DIP2B: variants seen among roughly 807,000 people sequenced by gnomAD.
DIP2B encodes DIP2 acetate--CoA ligase B (putative), also known as disco-interacting protein 2 homolog B.
DIP2B carries 76 observed loss-of-function variants against 198.0 expected under a neutral mutation model. The observed-to-expected ratio is 0.38, with a 90% CI of 0.32 to 0.46. The LOEUF is 0.46. Among genes scored for constraint, DIP2B ranks in the 20% least tolerant of loss-of-function variants. The pLI is 0.99. For missense variants in DIP2B, 1,559 were observed against 1,978.4 expected, an observed-to-expected ratio of 0.79 and a Z score of 4.02; for synonymous variants, 701 against 739.1, an observed-to-expected ratio of 0.95 and a Z score of 0.84.
chr12:50,526,626 CTTTT>C (rs11423846), intron 1 of DIP2B, among the ~76,000 whole-genome samples: 32 of 64,190 alleles, frequency 5.0e-4, no homozygotes, highest in African/African-American at 2.2e-3. Context: ...TTTCCTCTGC[CTTTT>C]TTTTTTTTTT....
At chr12:50,643,267 G>C (rs2139490004) in intron 3 of DIP2B, among the ~76,000 whole-genome samples, 1 of 152,178 alleles carries the variant, frequency 6.6e-6, no homozygotes, top group African/African-American at 2.4e-5. Context: ...TTGCACCATT[G>C]CTTTTTGATT....
chr12:50,581,625 T>C (rs1015064374), intron 1 of DIP2B, among the ~76,000 whole-genome samples: 1 of 140,448 alleles, frequency 7.1e-6, no homozygotes, highest in Non-Finnish European at 1.5e-5. Flanking sequence ...GTCTACTTGC[T>C]ACCCACATTC....
chr12:50,585,240 G>A (rs1051070954), intron 1 of DIP2B, among the ~76,000 whole-genome samples: 5 of 152,212 alleles, frequency 3.3e-5, no homozygotes, highest in African/African-American at 1.2e-4. Context: ...TATTGATTGA[G>A]TGCCTATTCT....
intron 1 of DIP2B, among the ~76,000 whole-genome samples, chr12:50,533,979 G>C (rs1958241447): frequency 6.6e-6 from 1 of 152,150 alleles, no homozygotes; most frequent in African/African-American, 2.4e-5. Flanking sequence ...TCAGAGATTT[G>C]AGGTATGATA....
intron 1 of DIP2B, among the ~76,000 whole-genome samples, chr12:50,508,645 A>G (rs572473624): frequency 3.2e-4 from 49 of 152,190 alleles, no homozygotes; most frequent in African/African-American, 1.2e-3. Context: ...TGACATTGGA[A>G]TGATTTAAAT....
At chr12:50,548,784 C>CA (rs1354815778) in intron 1 of DIP2B, among the ~76,000 whole-genome samples, 8 of 152,180 alleles carry the variant, frequency 5.3e-5, no homozygotes, top group Admixed American at 1.3e-4. Flanking sequence ...CTTGGCCTCC[C>CA]AAAGTTCTGG....
intron 1 of DIP2B, among the ~76,000 whole-genome samples, chr12:50,620,580 G>C (rs1267467900): frequency 1.3e-5 from 2 of 152,112 alleles, no homozygotes; most frequent in Non-Finnish European, 2.9e-5. Flanking sequence ...CAGGCACCTG[G>C]ACAAAAGACG....
At chr12:50,549,261 G>C (rs182523735) in intron 1 of DIP2B, among the ~76,000 whole-genome samples, 1 of 151,762 alleles carries the variant, frequency 6.6e-6, no homozygotes. Flanking sequence ...AAGGTCAAGA[G>C]ATCAAGACCA....
chr12:50,555,114 C>T (rs1343641478), intron 1 of DIP2B, among the ~76,000 whole-genome samples: 1 of 152,000 alleles, frequency 6.6e-6, no homozygotes. Flanking sequence ...ATATTCTTGC[C>T]CTCAACTCTT....
At chr12:50,689,896 G>A (rs532804802) in intron 12 of DIP2B, among the ~76,000 whole-genome samples, 8 of 152,050 alleles carry the variant, frequency 5.3e-5, no homozygotes, top group Non-Finnish European at 1.0e-4. Flanking sequence ...AAAACATCAA[G>A]AAAGAGAGTA....
At chr12:50,735,759 C>A (rs887455205) in intron 34 of DIP2B, among the ~76,000 whole-genome samples, 2 of 152,246 alleles carry the variant, frequency 1.3e-5, no homozygotes, top group East Asian at 3.9e-4. Context: ...CCACTATGCC[C>A]GGCCCGGTTC....
At chr12:50,553,691 T>C (rs1958446005) in intron 1 of DIP2B, among the ~76,000 whole-genome samples, 1 of 152,180 alleles carries the variant, frequency 6.6e-6, no homozygotes, top group Non-Finnish European at 1.5e-5. Flanking sequence ...TCTCACTCTG[T>C]CACCCAGGCT....
chr12:50,724,944 C>A, intron 28 of DIP2B, 58 bp downstream of exon 28: 1 of 1,516,524 alleles, frequency 6.6e-7, no homozygotes, highest in Non-Finnish European at 9.1e-7. Context: ...TACCTGAGAT[C>A]TCCTCCATTC....
rs1250389319 is a variant in DIP2B at position 50,580,770 on chromosome 12, T to TA, written c.101-45204dup. ...GGGGGATGAAATTGCTACTGGCATT[T>TA]AATGGGTAGAGGTCAGCAGAATTAC... On this transcript the variant is annotated intron_variant, in intron 1 of 37. Transcript: ENST00000301180. Among the ~76,000 whole-genome samples, 2 of 148,608 alleles carry TA rather than the reference T, an allele frequency of 1.3e-5. 1 individual carries two copies. The highest frequency in any genetic ancestry group is 4.9e-5 in the African/African-American group (2 of 40,592).
At chr12:50,630,971 A>G (rs1353188991) in intron 2 of DIP2B, among the ~76,000 whole-genome samples, 10 of 151,446 alleles carry the variant, frequency 6.6e-5, no homozygotes, top group Admixed American at 5.9e-4. Flanking sequence ...GTGCCTGGCC[A>G]TCCACCACTT....
At chr12:50,717,896 C>CT (rs60627093) in intron 23 of DIP2B, among the ~76,000 whole-genome samples, 50,186 of 87,056 alleles carry the variant, frequency 0.58, 16,957 homozygotes, top group South Asian at 0.64. Context: ...CCATTATTCA[C>CT]TTTTTTTTTT....
At chr12:50,536,566 T>G (rs191058479) in intron 1 of DIP2B, among the ~76,000 whole-genome samples, 1 of 125,284 alleles carries the variant, frequency 8.0e-6, no homozygotes, top group Non-Finnish European at 1.8e-5. Context: ...AAATAATAAT[T>G]GTGTTTTGTT....
At chr12:50,611,924 C>T (rs1486196605) in intron 1 of DIP2B, among the ~76,000 whole-genome samples, 4 of 151,558 alleles carry the variant, frequency 2.6e-5, no homozygotes, top group Non-Finnish European at 4.4e-5. Flanking sequence ...ACAGGCCAGG[C>T]GTGGTGGCTC....
chr12:50,671,396 T>A lies in DIP2B; in HGVS notation c.638T>A (p.Ile213Lys). ...SLADVFANTRIENFSAPPDVT... is the reference protein window; with the variant it reads ...SLADVFANTRKENFSAPPDVT... Reference sequence around the variant, plus strand: ...GCTGATGTATTTGCCAATACTCGAATAGGTAGGAGCTGGATCTACCCAAGA... The same window carrying A: ...GCTGATGTATTTGCCAATACTCGAAAAGGTAGGAGCTGGATCTACCCAAGA... The change falls in exon 5 of 38, where the codon ATA becomes AAA. Residue 213 changes from isoleucine to lysine, a missense_variant and splice_region_variant. Coordinates refer to ENST00000301180, the MANE Select transcript of DIP2B (RefSeq NM_173602.3). 1 of 1,614,130 alleles carries A rather than the reference T, an allele frequency of 6.2e-7. No homozygotes were observed. Among genetic ancestry groups the A allele is most frequent in the Non-Finnish European group, 8.5e-7 (1 of 1,180,012 alleles).
Sources: allele counts gnomAD v4.1 joint callset (sites outside exome capture counted in the v4.1 genomes callset), GRCh38; gene constraint gnomAD v4.1.1; transcripts MANE v1.5; gene names NCBI Gene and HGNC (gene_info 2026-07-23, HGNC 2026-07-21).